PRR35: variants seen among roughly 807,000 people sequenced by gnomAD.
PRR35 encodes the protein proline rich 35.
Under a neutral mutation model 18.6 loss-of-function variants are expected in PRR35, and 14 were observed. That is an observed-to-expected ratio of 0.75 (90% CI 0.50 to 1.18). The LOEUF is 1.18. Among genes scored for constraint, PRR35 ranks in the 50% most tolerant of loss-of-function variants. The probability of loss-of-function intolerance (pLI) is 0.00; values close to 1 mark genes in which losing one functional copy is unlikely to be tolerated. For synonymous variants in PRR35, 425 were observed against 378.2 expected, an observed-to-expected ratio of 1.12 and a Z score of -1.43; for missense variants, 832 against 792.2, an observed-to-expected ratio of 1.05 and a Z score of -0.60.
upstream of PRR35, among the ~76,000 whole-genome samples, chr16:560,159 C>CA (rs1165873336): frequency 2.0e-5 from 3 of 151,298 alleles, no homozygotes; most frequent in Admixed American, 1.3e-4. Flanking sequence ...AGTCCGCTCT[C>CA]CGTCCGCTGC....
chr16:562,520 GGCGCACACACGTGTGCACACACAC>G (rs1265755773), intron 1 of PRR35, among the ~76,000 whole-genome samples: 4 of 121,936 alleles, frequency 3.3e-5, no homozygotes, highest in Admixed American at 8.9e-5. Flanking sequence ...TGCACACACA[GGCGCACACACGTGTGCACACACAC>G]GCACATGCAC....
chr16:562,763 T>C (rs2035461362), intron 1 of PRR35, among the ~76,000 whole-genome samples: 1 of 152,242 alleles, frequency 6.6e-6, no homozygotes, highest in Non-Finnish European at 1.5e-5. Context: ...AAGTGAGCTC[T>C]GGTCACGCTG....
chr16:562,231 G>A (rs1239183026), intron 1 of PRR35, among the ~76,000 whole-genome samples: 1 of 152,194 alleles, frequency 6.6e-6, no homozygotes, highest in Admixed American at 6.5e-5. Context: ...CTGCAGGCTC[G>A]GCCGCTGACC....
Position 564,026 on chromosome 16 carries a change from C to A in PRR35, c.732C>A (p.Pro244=), listed in dbSNP as rs1482372334. ...TGGCCTCGGCCAGCCCCCTGCTGCC[C>A]CCGGCCACGGCCTTCCCAGCCGTGC... ...PFLASASPLL[P]PATAFPAVQP... Residue 244 remains proline (P), a synonymous_variant, in exon 2 of 3, where the codon CCC becomes CCA. Transcript: ENST00000409413. 1 of 1,584,656 alleles carries A rather than the reference C, an allele frequency of 6.3e-7. No individual in the cohort carries two copies. The highest frequency in any genetic ancestry group is 2.3e-5 in the East Asian group (1 of 43,502).
At position 564,751 on chromosome 16, in the gene PRR35, G is replaced by GC. The variant is rs1567170139; in HGVS notation, c.1165dup (p.Leu389ProfsTer26). 6.5e-7 allele frequency: 1 copy of GC among 1,537,294 alleles called. No individual in the cohort carries two copies. Among genetic ancestry groups the GC allele is most frequent in the Non-Finnish European group, 8.7e-7 (1 of 1,147,718 alleles). On this transcript the variant is annotated frameshift_variant, in exon 3 of 3. Transcript: ENST00000409413. LOFTEE classifies it low-confidence loss of function (END_TRUNC). Reference sequence around the variant, plus strand: ...GGCCCTGAGACCCCCGGCCCTGAGGGCCCCCTCCCCCTGCAGCCACGGGGC... The same window carrying GC: ...GGCCCTGAGACCCCCGGCCCTGAGGGCCCCCCTCCCCCTGCAGCCACGGGGC...
intron 1 of PRR35, 99 bp downstream of exon 1, chr16:560,760 G>A: frequency 1.1e-6 from 1 of 898,160 alleles, no homozygotes; most frequent in South Asian, 4.9e-5. Flanking sequence ...TGTGGGGGGC[G>A]CGGGGGGCGG....
chr16:563,035 C>CT lies in PRR35; in HGVS notation c.-39-205dup, dbSNP rs61007293. ...GTCAGATGCAGCTCGCTGTCCTGGACTTTTTTTTTTTTTTTTGGTGCCCTG... is the reference window on the plus strand; with the variant it reads ...GTCAGATGCAGCTCGCTGTCCTGGACTTTTTTTTTTTTTTTTTGGTGCCCTG... On this transcript the variant is annotated intron_variant, in intron 1 of 2. Transcript: ENST00000409413. Among the ~76,000 whole-genome samples, 682 of 130,974 alleles carry CT rather than the reference C, an allele frequency of 5.2e-3. 6 individuals carry two copies. The highest frequency in any genetic ancestry group is 0.012 in the African/African-American group (437 of 35,466). The allele number at this position is 130,974 out of a possible 152,430, so 85.9% of individuals were successfully genotyped here. A position where few individuals can be genotyped will look rare whatever the true frequency, so the allele number is the denominator to read the frequency against.
intron 1 of PRR35, among the ~76,000 whole-genome samples, chr16:562,114 C>T (rs760506672): frequency 9.9e-5 from 15 of 152,242 alleles, no homozygotes; most frequent in African/African-American, 2.9e-4. Context: ...CACACAGGCG[C>T]GTGCTGGGGC....
intron 1 of PRR35, 115 bp downstream of exon 1, chr16:560,776 T>TC (rs549247109): frequency 0.017 from 14,127 of 818,578 alleles, 223 homozygotes; most frequent in African/African-American, 0.075. Context: ...GGCGGCCGGG[T>TC]CCCCCCCACC....
Position 560,522 on chromosome 16 carries a change from G to A in PRR35, c.-179G>A. The A allele has an allele frequency of 1.0e-6, 1 of 982,908 alleles. No homozygotes were observed. The highest frequency in any genetic ancestry group is 1.2e-6 in the Non-Finnish European group (1 of 828,872). The allele number at this position is 982,908 out of a possible 1,614,324, so 60.9% of individuals were successfully genotyped here. A position where few individuals can be genotyped will look rare whatever the true frequency, so the allele number is the denominator to read the frequency against. ...GGCGCCGGGCCTCAGTTTCCCCCAC[G>A]GGAGCCGCATCCCACCCCCAGAGCC... On this transcript the variant is annotated 5_prime_UTR_variant, in exon 1 of 3. Transcript: ENST00000409413.
In PRR35 at chr16:564,714, G is replaced by A. The variant is rs372350826; in HGVS notation, c.1123G>A (p.Gly375Arg). 1.9e-4 allele frequency: 291 copies of A among 1,533,712 alleles called. No homozygotes were observed. In the African/African-American group the frequency reaches 3.2e-3, roughly 17 times the overall value. ...GSSVMLWPED[G>R]DPGGPETPGP... ...CTCTGTGATGCTGTGGCCTGAGGAC[G>A]GGGATCCAGGCGGCCCTGAGACCCC... Residue 375 changes from glycine to arginine, a missense_variant, in exon 3 of 3, where the codon GGG becomes AGG. Coordinates refer to ENST00000409413, the MANE Select transcript of PRR35 (RefSeq NM_145270.3).
chr16:563,662 C>G lies in PRR35; in HGVS notation c.368C>G (p.Ser123Cys), dbSNP rs201962648. 10 of 1,574,442 alleles carry G rather than the reference C, an allele frequency of 6.4e-6. No individual in the cohort carries two copies. The African/African-American group carries it at 1.1e-4, about 17-fold the overall frequency. Residue 123 changes from serine to cysteine, a missense_variant, in exon 2 of 3, where the codon TCC becomes TGC. This residue lies in a region of PRR35 where 768 missense variants were observed against 704.1 expected (regional missense o/e 1.09). Transcript: ENST00000409413. ...GACCTCGTGGTCGCCGACATCCACTCCCTGCACTGTGGCGGAGGCCCCAAG... is the reference window on the plus strand; with the variant it reads ...GACCTCGTGGTCGCCGACATCCACTGCCTGCACTGTGGCGGAGGCCCCAAG... ...APDLVVADIHSLHCGGGPKSR... is the reference protein window; with the variant it reads ...APDLVVADIHCLHCGGGPKSR...
chr16:564,227 C>G lies in PRR35; in HGVS notation c.933C>G (p.Pro311=). The part of the protein sequence containing the change: ...LLKVPVPGLG[P]WPRVTPRDPG... ...AGGTGCCAGTTCCAGGGCTGGGGCC[C>G]TGGCCCCGAGTCACCCCCAGGGACC... The change falls in exon 2 of 3, where the codon CCC becomes CCG. Residue 311 remains proline, a synonymous_variant. Transcript: ENST00000409413. The G allele has an allele frequency of 6.4e-7, 1 of 1,570,672 alleles. No homozygotes were observed. The highest frequency in any genetic ancestry group is 8.6e-7 in the Non-Finnish European group (1 of 1,164,112).
Position 564,142 on chromosome 16 carries a change from T to A in PRR35, c.848T>A (p.Leu283His). Reference sequence around the variant, plus strand: ...GGGCTGCCAGCAGGCAAAGCTGCCCTTGCCAAGGCCCCTGTCTCCCCCAGG... The same window carrying A: ...GGGCTGCCAGCAGGCAAAGCTGCCCATGCCAAGGCCCCTGTCTCCCCCAGG... ...TLGLPAGKAA[L>H]AKAPVSPRSP... Residue 283 changes from leucine (L) to histidine (H), a missense_variant, in exon 2 of 3, where the codon CTT becomes CAT. By Grantham distance (99) the Leu-to-His change is moderately conservative. Transcript: ENST00000409413. 1 of 1,573,808 alleles carries A rather than the reference T, an allele frequency of 6.4e-7. No homozygotes were observed. Among genetic ancestry groups the A allele is most frequent in the Non-Finnish European group, 8.6e-7 (1 of 1,168,022 alleles).
intron 1 of PRR35, 136 bp from the exon 2 acceptor site, chr16:563,120 G>T: frequency 1.2e-6 from 1 of 816,196 alleles, no homozygotes; most frequent in Non-Finnish European, 1.8e-6. Flanking sequence ...GGCTCGGGGG[G>T]CACGTTGCAG....
At chr16:560,123 C>A (rs904597431), upstream of PRR35, among the ~76,000 whole-genome samples, 3 of 151,350 alleles carry the variant, frequency 2.0e-5, no homozygotes, top group Non-Finnish European at 3.0e-5. Context: ...CCGGGCGCCC[C>A]TGACTCGGCC....
intron 1 of PRR35, among the ~76,000 whole-genome samples, chr16:562,532 T>G (rs955617158): frequency 5.7e-4 from 69 of 121,794 alleles, no homozygotes; most frequent in Middle Eastern, 3.6e-3. Flanking sequence ...CGCACACACG[T>G]GTGCACACAC....
rs755636071 is a variant in PRR35 at position 563,319 on chromosome 16, C to A, written c.25C>A (p.Arg9Ser). Residue 9 changes from arginine (R) to serine (S), a missense_variant, in exon 2 of 3, where the codon CGC becomes AGC. Physicochemically the swap from Arg to Ser is moderately radical, Grantham distance 110. Transcript: ENST00000409413. ...CATGTCGCGGGAGGCGGGCTCATGC[C>A]GCGTGGGCACAGGGGCGAGGGCGCG... Reference protein sequence around the residue: MSREAGSCRVGTGARARSR... With the variant: MSREAGSCSVGTGARARSR... 3 of 1,609,988 alleles carry A rather than the reference C, an allele frequency of 1.9e-6. No individual in the cohort carries two copies. Among genetic ancestry groups the A allele is most frequent in the Admixed American group, 3.3e-5 (2 of 59,894 alleles).
At chr16:560,830 C>A (rs2035421155) in intron 1 of PRR35, 169 bp downstream of exon 1, 1 of 321,070 alleles carries the variant, frequency 3.1e-6, no homozygotes, top group South Asian at 1.2e-4. Context: ...GGGAGGGCCG[C>A]CCTCAGGGGC....
Sources: allele counts gnomAD v4.1 joint callset (sites outside exome capture counted in the v4.1 genomes callset), GRCh38; gene constraint gnomAD v4.1.1; regional missense constraint gnomAD v4.1.1; transcripts MANE v1.5; gene names NCBI Gene and HGNC (gene_info 2026-07-23, HGNC 2026-07-21).